The following CHN2 variants were observed in gnomAD, a reference collection of about 807,000 sequenced individuals.
The protein encoded by CHN2 is chimerin 2.
A neutral mutation model predicts 56.3 loss-of-function variants in CHN2; 35 were observed. The ratio of observed to expected loss-of-function variants is 0.62; its 90% CI spans 0.47 to 0.82. The LOEUF (loss-of-function observed/expected upper bound fraction) is 0.82, where lower values mean the gene tolerates loss of function less well. Ranked by LOEUF, CHN2 falls within the 40% of genes least tolerant of loss-of-function variation. The probability of loss-of-function intolerance (pLI) is 0.00; values close to 1 mark genes in which losing one functional copy is unlikely to be tolerated. For missense variants in CHN2, 491 were observed against 580.5 expected (o/e 0.85, Z 1.58); for synonymous variants, 210 against 212.8 (o/e 0.99, Z 0.12).
At chr7:29,348,919 T>A (rs1307358639) in intron 1 of CHN2, among the ~76,000 whole-genome samples, 1 of 152,168 alleles carries the variant, frequency 6.6e-6, no homozygotes, top group Admixed American at 6.5e-5. Flanking sequence ...ATAATTGGGT[T>A]TATTGCCTCC....
chr7:29,308,503 T>C (rs117051854), intron 1 of CHN2, among the ~76,000 whole-genome samples: 57 of 152,282 alleles, frequency 3.7e-4, no homozygotes, highest in Non-Finnish European at 6.8e-4. Context: ...ATTGGGATTC[T>C]GCTTTGTTCC....
chr7:29,263,200 C>T (rs1281424913), intron 1 of CHN2, among the ~76,000 whole-genome samples: 2 of 152,178 alleles, frequency 1.3e-5, no homozygotes, highest in Admixed American at 6.5e-5. Context: ...GACTGGTTTT[C>T]GTATTTTTTG....
At chr7:29,418,104 G>T (rs1398783085) in intron 6 of CHN2, among the ~76,000 whole-genome samples, 1 of 152,226 alleles carries the variant, frequency 6.6e-6, no homozygotes, top group Non-Finnish European at 1.5e-5. Context: ...TTTGAACGGT[G>T]CTATTTCCAA....
At chr7:29,195,012 G>T in intron 1 of CHN2, 22 bp downstream of exon 1, 1 of 1,581,702 alleles carries the variant, frequency 6.3e-7, no homozygotes, top group Non-Finnish European at 8.6e-7. Context: ...CCCGTCGGGC[G>T]CTGCTGCCGC....
At chr7:29,480,035 C>T (rs1465922341) in intron 6 of CHN2, 1 of 1,528,170 alleles carries the variant, frequency 6.5e-7, no homozygotes, top group South Asian at 1.2e-5. Flanking sequence ...ACATAAGCTG[C>T]GGTTCGAAAA....
At chr7:29,226,186 G>A (rs948231593) in intron 1 of CHN2, among the ~76,000 whole-genome samples, 1 of 152,052 alleles carries the variant, frequency 6.6e-6, no homozygotes, top group Non-Finnish European at 1.5e-5. Context: ...CAAATACTTT[G>A]AAAAATGAAG....
At chr7:29,345,963 G>T (rs1797402506) in intron 1 of CHN2, among the ~76,000 whole-genome samples, 1 of 152,094 alleles carries the variant, frequency 6.6e-6, no homozygotes. Flanking sequence ...CAAGCAGTTA[G>T]AAAAATCCGT....
intron 1 of CHN2, among the ~76,000 whole-genome samples, chr7:29,240,095 G>T (rs1787534866): frequency 6.6e-6 from 1 of 152,190 alleles, no homozygotes; most frequent in Non-Finnish European, 1.5e-5. Flanking sequence ...CTGACTGGCT[G>T]GCTTTGGCAT....
At chr7:29,425,637 G>A (rs776883604) in intron 6 of CHN2, among the ~76,000 whole-genome samples, 1 of 152,082 alleles carries the variant, frequency 6.6e-6, no homozygotes, top group Non-Finnish European at 1.5e-5. Flanking sequence ...TCGGGTAGGT[G>A]TTCTGACTTT....
chr7:29,334,036 T>C (rs1796419900), intron 1 of CHN2, among the ~76,000 whole-genome samples: 1 of 149,860 alleles, frequency 6.7e-6, no homozygotes. Context: ...AAATGATAAA[T>C]TCAATTTCTT....
chr7:29,306,199 A>C lies in CHN2; in HGVS notation c.50-48426A>C, dbSNP rs1251729756. The stretch of plus-strand genomic sequence containing the variant: ...CAATAGCGCACTGTGTAAGTCAATA[A>C]ATCTTTGGTCCCTAAACTGGTGGTG... On this transcript the variant is annotated intron_variant, in intron 1 of 12. Transcript: ENST00000222792. 2.0e-5 allele frequency among the ~76,000 whole-genome samples: 3 copies of C among 152,174 alleles called. No homozygotes were observed. In the East Asian group the frequency reaches 5.8e-4, roughly 29 times the overall value.
intron 3 of CHN2, among the ~76,000 whole-genome samples, chr7:29,383,955 G>A (rs1800728478): frequency 6.6e-6 from 1 of 152,188 alleles, no homozygotes; most frequent in South Asian, 2.1e-4. Flanking sequence ...GAGAGAAAGG[G>A]ACCGTTTTAA....
At chr7:29,212,735 C>G (rs552233240) in intron 1 of CHN2, 1 of 1,609,312 alleles carries the variant, frequency 6.2e-7, no homozygotes, top group African/African-American at 1.3e-5. Flanking sequence ...GTTCTAGAAC[C>G]AGAGAATGAA....
At chr7:29,204,393 A>C (rs1465433350) in intron 1 of CHN2, among the ~76,000 whole-genome samples, 1 of 152,214 alleles carries the variant, frequency 6.6e-6, no homozygotes, top group Non-Finnish European at 1.5e-5. Flanking sequence ...ATTAATACAC[A>C]TAATTTGGCT....
intron 1 of CHN2, among the ~76,000 whole-genome samples, chr7:29,221,244 G>A (rs74458970): frequency 0.012 from 1,780 of 152,176 alleles, 40 homozygotes; most frequent in African/African-American, 0.041. Flanking sequence ...TGAGAAGAAC[G>A]AAGTAAACTG....
At chr7:29,254,739 C>T (rs1338788908) in intron 1 of CHN2, among the ~76,000 whole-genome samples, 1 of 152,174 alleles carries the variant, frequency 6.6e-6, no homozygotes, top group Non-Finnish European at 1.5e-5. Flanking sequence ...GCCAATCTCT[C>T]TGTACAGCCA....
chr7:29,257,954 AT>A (rs142707997), intron 1 of CHN2, among the ~76,000 whole-genome samples: 9 of 149,444 alleles, frequency 6.0e-5, no homozygotes, highest in Non-Finnish European at 1.0e-4. Context: ...CCCCTGGCTA[AT>A]TTTTTTTTTC....
At chr7:29,168,027 C>G (rs917217965) in intron 2 of CHN2, among the ~76,000 whole-genome samples, 24 of 152,160 alleles carry the variant, frequency 1.6e-4, no homozygotes, top group African/African-American at 5.6e-4. Context: ...CTAAACTGGA[C>G]ATTTGTGTGA....
chr7:29,443,251 A>G (rs1158170996), intron 6 of CHN2, among the ~76,000 whole-genome samples: 1 of 151,818 alleles, frequency 6.6e-6, no homozygotes, highest in Non-Finnish European at 1.5e-5. Flanking sequence ...AATTTCATTG[A>G]ATTTCTAACT....
Sources: gnomAD v4.1 joint callset for allele counts (sites outside exome capture counted in the v4.1 genomes callset) on GRCh38, gnomAD v4.1.1 for gene constraint, MANE v1.5 for transcripts, NCBI Gene and HGNC (gene_info 2026-07-23, HGNC 2026-07-21) for gene names.